CUBN: variants seen among roughly 807,000 people sequenced by gnomAD.
CUBN encodes the protein cubilin.
CUBN carries 282 observed loss-of-function variants against 405.3 expected under a neutral mutation model. The ratio of observed to expected loss-of-function variants is 0.70; its 90% CI spans 0.63 to 0.77. The LOEUF (loss-of-function observed/expected upper bound fraction) is 0.77, where lower values mean the gene tolerates loss of function less well. CUBN is among the 30% of genes least tolerant of loss of function. CUBN has a pLI of 0.00. For synonymous variants in CUBN, 1,684 were observed against 1,617.0 expected (o/e 1.04, Z -0.99); for missense variants, 4,514 against 4,475.2 (o/e 1.01, Z -0.25).
At position 16,899,013 on chromosome 10, in the gene CUBN, G is replaced by A; in HGVS notation, c.8581C>T (p.Gln2861Ter). Residue 2861 changes from glutamine (Q) to a stop codon, truncating the protein, a stop_gained, in exon 54 of 67, where the codon CAG becomes TAG. Coordinates refer to ENST00000377833, the MANE Select transcript of CUBN (RefSeq NM_001081.4). LOFTEE classifies it high-confidence loss of function. ...GTACTAACCTTCACGAAGCTATTCT[G>A]ACATTGTCCATCACCGCTGGGGATT... ...FLIPSGDGQC[Q>*]NSFVKVWAGT... is the part of the protein sequence containing the mutation. 3 of 1,612,390 alleles carry A rather than the reference G, an allele frequency of 1.9e-6. No homozygotes were observed. Among genetic ancestry groups the A allele is most frequent in the Non-Finnish European group, 2.5e-6 (3 of 1,178,416 alleles).
chr10:17,058,411 T>C (rs745555383), intron 22 of CUBN, among the ~76,000 whole-genome samples: 1 of 152,036 alleles, frequency 6.6e-6, no homozygotes, highest in Non-Finnish European at 1.5e-5. Flanking sequence ...AGCTTGAAAG[T>C]TCTGTGCACA....
intron 22 of CUBN, among the ~76,000 whole-genome samples, chr10:17,065,129 T>TCCCCCC (rs11368099): frequency 3.3e-5 from 4 of 121,524 alleles, no homozygotes; most frequent in Non-Finnish European, 3.3e-5. Context: ...TCTCTCTCTC[T>TCCCCCC]CCCCCCCCCC....
intron 31 of CUBN, among the ~76,000 whole-genome samples, chr10:16,962,249 T>A (rs1017319365): frequency 1.3e-5 from 2 of 152,062 alleles, no homozygotes; most frequent in African/African-American, 4.8e-5. Flanking sequence ...GTAGTAAGCA[T>A]GTGATAGATG....
chr10:16,956,624 T>C (rs1315345947), intron 31 of CUBN, among the ~76,000 whole-genome samples: 3 of 152,108 alleles, frequency 2.0e-5, no homozygotes, highest in Non-Finnish European at 2.9e-5. Flanking sequence ...CCTAAGGTTA[T>C]AGATACAGTG....
At position 16,906,405 on chromosome 10, in the gene CUBN, A is replaced by T; in HGVS notation, c.7710T>A (p.Cys2570Ter). The T allele has an allele frequency of 1.7e-5, 28 of 1,611,020 alleles. No individual in the cohort carries two copies. Among genetic ancestry groups the T allele is most frequent in the Non-Finnish European group, 2.4e-5 (28 of 1,177,196 alleles). ...CAGGAGTATTTGGAAGAGACCCACC[A>T]CACACTAAGAAAACAGAAGGCAACA... ...ASYTSSEDAVCGGSLPNTPEG... is the reference protein window; with the variant it reads ...ASYTSSEDAV The change falls in exon 50 of 67, where the codon TGT becomes TGA. Residue 2570 changes from cysteine (C) to a stop codon, truncating the protein, a stop_gained. Coordinates refer to ENST00000377833, the MANE Select transcript of CUBN (RefSeq NM_001081.4). LOFTEE classifies it high-confidence loss of function.
At chr10:16,968,489 C>T (rs978200530) in intron 31 of CUBN, among the ~76,000 whole-genome samples, 4 of 152,200 alleles carry the variant, frequency 2.6e-5, no homozygotes, top group South Asian at 2.1e-4. Context: ...AGGACCTGGA[C>T]CATGGTCGGC....
chr10:17,064,522 A>AT (rs1190934073), intron 22 of CUBN, among the ~76,000 whole-genome samples: 1 of 152,136 alleles, frequency 6.6e-6, no homozygotes, highest in African/African-American at 2.4e-5. Context: ...TGCTGGGGTA[A>AT]TCCCAAAGCG....
intron 43 of CUBN, among the ~76,000 whole-genome samples, chr10:16,923,741 A>G (rs1473961759): frequency 2.0e-5 from 3 of 152,192 alleles, no homozygotes; most frequent in Non-Finnish European, 2.9e-5. Flanking sequence ...GTGTATCTGA[A>G]TTACCACTAA....
chr10:17,056,615 A>C (rs574116875), intron 22 of CUBN, among the ~76,000 whole-genome samples: 74 of 152,208 alleles, frequency 4.9e-4, no homozygotes, highest in African/African-American at 1.7e-3. Context: ...TCTCAAAAAA[A>C]AAACAACTTC....
chr10:16,990,609 T>A, intron 28 of CUBN, 94 bp from the exon 29 acceptor site: 2 of 1,001,706 alleles, frequency 2.0e-6, no homozygotes, highest in African/African-American at 1.6e-5. Flanking sequence ...ATCAAAAATA[T>A]ACAATGCTTA....
In CUBN at chr10:16,883,585, G is replaced by A. The variant is rs149955054; in HGVS notation, c.8905+4832C>T. On this transcript the variant is annotated intron_variant, in intron 56 of 66. Transcript: ENST00000377833. ...AGCTCATTTATTGTGCTTCTTGATG[G>A]GGAAAAAAATGTCAAAAAGAAAAAT... Among the ~76,000 whole-genome samples the A allele has an allele frequency of 6.1e-3, 931 of 152,178 alleles. 4 individuals carry two copies. Among genetic ancestry groups the A allele is most frequent in the African/African-American group, 0.021 (871 of 41,526 alleles).
At chr10:16,950,241 G>C (rs2131625898) in intron 33 of CUBN, 130 bp from the exon 34 acceptor site, 1 of 685,218 alleles carries the variant, frequency 1.5e-6, no homozygotes, top group East Asian at 2.8e-5. Context: ...AGACCTGTTT[G>C]ATAGCACAAC....
At chr10:16,968,590 C>T (rs950711252) in intron 31 of CUBN, among the ~76,000 whole-genome samples, 1 of 152,196 alleles carries the variant, frequency 6.6e-6, no homozygotes, top group Non-Finnish European at 1.5e-5. Context: ...TCAGGAATCT[C>T]CAGGGGCCAG....
intron 43 of CUBN, among the ~76,000 whole-genome samples, chr10:16,921,729 G>T (rs1842039736): frequency 6.6e-6 from 1 of 152,166 alleles, no homozygotes; most frequent in Non-Finnish European, 1.5e-5. Context: ...GAATCCTCCT[G>T]TAGGCCTTTC....
chr10:16,949,999 A>G lies in CUBN; in HGVS notation c.5080+2T>C. Reference sequence around the variant, plus strand: ...GATGTAGATGAGTGAACGCTGAGGTACCTCGGAGGGGCGCGTCTTCGTGGC... The same window carrying G: ...GATGTAGATGAGTGAACGCTGAGGTGCCTCGGAGGGGCGCGTCTTCGTGGC... On this transcript the variant is annotated splice_donor_variant, in intron 34 of 66. Transcript: ENST00000377833. LOFTEE classifies it high-confidence loss of function. 1 of 1,608,308 alleles carries G rather than the reference A, an allele frequency of 6.2e-7. No individual in the cohort carries two copies. The highest frequency in any genetic ancestry group is 8.5e-7 in the Non-Finnish European group (1 of 1,175,094).
intron 4 of CUBN, among the ~76,000 whole-genome samples, chr10:17,125,432 T>C (rs947461166): frequency 5.9e-5 from 9 of 152,084 alleles, no homozygotes. Flanking sequence ...CGTCTGGGGG[T>C]CTCTTTATGA....
chr10:16,884,006 G>T (rs1299311524), intron 56 of CUBN, among the ~76,000 whole-genome samples: 1 of 152,130 alleles, frequency 6.6e-6, no homozygotes, highest in Non-Finnish European at 1.5e-5. Context: ...TTGAGACAGA[G>T]TCTTGCTCTG....
At chr10:16,898,586 T>C (rs927750794) in intron 54 of CUBN, among the ~76,000 whole-genome samples, 2 of 152,110 alleles carry the variant, frequency 1.3e-5, no homozygotes, top group Non-Finnish European at 2.9e-5. Flanking sequence ...ACGAGCAGCA[T>C]TTATAACTTT....
chr10:16,961,229 A>C (rs1258934639), intron 31 of CUBN, among the ~76,000 whole-genome samples: 1 of 151,856 alleles, frequency 6.6e-6, no homozygotes, highest in Admixed American at 6.6e-5. Flanking sequence ...GCACCACCAC[A>C]CTTGGCTAAT....
Sources: allele counts gnomAD v4.1 joint callset (sites outside exome capture counted in the v4.1 genomes callset), GRCh38; gene constraint gnomAD v4.1.1; transcripts MANE v1.5; gene names NCBI Gene and HGNC (gene_info 2026-07-23, HGNC 2026-07-21).